Variants in CADM2 observed in about 807,000 individuals in gnomAD.
CADM2 encodes the protein cell adhesion molecule 2, also known as immunoglobulin superfamily member 4D.
CADM2 carries 12 observed loss-of-function variants against 49.8 expected under a neutral mutation model. That is an observed-to-expected ratio of 0.24 (90% CI 0.15 to 0.39). The LOEUF (loss-of-function observed/expected upper bound fraction) is 0.39, where lower values mean the gene tolerates loss of function less well. CADM2 is among the 10% of genes least tolerant of loss of function. CADM2 has a pLI of 1.00. For synonymous variants in CADM2, 214 were observed against 175.4 expected (o/e 1.22, Z -1.74); for missense variants, 378 against 492.3 (o/e 0.77, Z 2.20).
intron 1 of CADM2, among the ~76,000 whole-genome samples, chr3:85,248,866 GC>G (rs2042712298): frequency 6.6e-6 from 1 of 152,082 alleles, no homozygotes; most frequent in South Asian, 2.1e-4. Context: ...CAGTAAATCA[GC>G]TTTCTCATCC....
chr3:85,715,627 G>A (rs149592498), intron 1 of CADM2, among the ~76,000 whole-genome samples: 30 of 152,126 alleles, frequency 2.0e-4, no homozygotes, highest in African/African-American at 7.0e-4. Context: ...TCTACATTAG[G>A]TATTTCTCTT....
rs556520459 is a variant in CADM2, at chr3:85,260,992, T to C, written c.61+301324T>C. On this transcript the variant is annotated intron_variant, in intron 1 of 9. Coordinates refer to ENST00000383699, the MANE Select transcript of CADM2 (RefSeq NM_001167675.2). ...TTTGAGTAACTGGAAAGAATAGTTG[T>C]GATTTTTTTCATTTTTGATGAAGAA... 1.2e-3 allele frequency among the ~76,000 whole-genome samples: 190 copies of C among 152,220 alleles called. 1 individual carries two copies. The highest frequency in any genetic ancestry group is 4.1e-3 in the African/African-American group (172 of 41,574).
At chr3:85,911,447 C>G (rs1315593571) in intron 5 of CADM2, among the ~76,000 whole-genome samples, 2 of 152,180 alleles carry the variant, frequency 1.3e-5, no homozygotes, top group African/African-American at 2.4e-5. Context: ...TACTCTTGTT[C>G]ATGCTGAAAT....
intron 1 of CADM2, among the ~76,000 whole-genome samples, chr3:84,964,642 G>A (rs1425902175): frequency 6.6e-6 from 1 of 152,164 alleles, no homozygotes; most frequent in Non-Finnish European, 1.5e-5. Context: ...AAAGCCCTTT[G>A]TTGAATTGGC....
chr3:85,321,372 A>G (rs2044608864), intron 1 of CADM2, among the ~76,000 whole-genome samples: 3 of 151,400 alleles, frequency 2.0e-5, no homozygotes, highest in Admixed American at 2.0e-4. Flanking sequence ...TTTAGTAGAC[A>G]TAGGGTTTCG....
rs2067706511 is a variant in CADM2, at chr3:85,726,635, G to A, written c.88+87G>A. On this transcript the variant is annotated intron_variant, in intron 2 of 9. Coordinates refer to ENST00000383699, the MANE Select transcript of CADM2 (RefSeq NM_001167675.2). ...TTCTCTTAAATGATAGAACCAATTC[G>A]GTTGGTGATAATACTATTTCAGTGT... is the stretch of plus-strand genomic sequence containing the variant. 5.9e-6 allele frequency: 6 copies of A among 1,024,894 alleles called. No individual in the cohort carries two copies. In the Admixed American group the frequency reaches 8.9e-5, roughly 15 times the overall value. 63.5% of individuals were successfully genotyped at this position (1,024,894 alleles called of 1,614,324 possible).
chr3:85,879,620 T>C (rs1024705827), intron 3 of CADM2, among the ~76,000 whole-genome samples: 1 of 152,148 alleles, frequency 6.6e-6, no homozygotes, highest in Non-Finnish European at 1.5e-5. Flanking sequence ...AGCTTTGATA[T>C]CCTAACTGTT....
At chr3:85,918,227 G>A (rs185543894) in intron 6 of CADM2, among the ~76,000 whole-genome samples, 1 of 152,102 alleles carries the variant, frequency 6.6e-6, no homozygotes, top group African/African-American at 2.4e-5. Context: ...TCCCTGTCTT[G>A]TGCCAGTTTT....
intron 1 of CADM2, among the ~76,000 whole-genome samples, chr3:85,568,590 C>G (rs1327895788): frequency 7.7e-6 from 1 of 129,040 alleles, no homozygotes. Context: ...TTCTTTCTTT[C>G]CTTCTTTTCT....
chr3:85,355,235 T>C (rs1452457230), intron 1 of CADM2, among the ~76,000 whole-genome samples: 1 of 151,938 alleles, frequency 6.6e-6, no homozygotes, highest in Non-Finnish European at 1.5e-5. Context: ...GATGGTTAGC[T>C]AAAGGCAATA....
chr3:85,680,556 T>C (rs2066011654), intron 1 of CADM2, among the ~76,000 whole-genome samples: 2 of 152,176 alleles, frequency 1.3e-5, no homozygotes, highest in East Asian at 3.8e-4. Flanking sequence ...TAAGTGATTA[T>C]TGAATGACAT....
chr3:85,107,380 A>T (rs576266356), intron 1 of CADM2, among the ~76,000 whole-genome samples: 8 of 152,300 alleles, frequency 5.3e-5, no homozygotes, highest in African/African-American at 1.7e-4. Context: ...TCATTAAGAA[A>T]ATACAATTCA....
At chr3:85,309,322 T>C (rs931539688) in intron 1 of CADM2, among the ~76,000 whole-genome samples, 3 of 152,176 alleles carry the variant, frequency 2.0e-5, no homozygotes. Context: ...TAATTTAACA[T>C]AAGCTAGGGT....
chr3:85,244,661 C>T (rs545126281), intron 1 of CADM2, among the ~76,000 whole-genome samples: 4 of 152,204 alleles, frequency 2.6e-5, no homozygotes, highest in African/African-American at 9.6e-5. Context: ...AATTCCTCTC[C>T]ACTGAAGGCT....
intron 5 of CADM2, among the ~76,000 whole-genome samples, chr3:85,891,848 C>A (rs185266620): frequency 1.3e-5 from 2 of 152,312 alleles, no homozygotes; most frequent in African/African-American, 4.8e-5. Context: ...ATAGCCCCAG[C>A]TAACATCTTT....
At chr3:85,993,371 A>AT (rs1559788226) in intron 8 of CADM2, 1 of 152,106 alleles carries the variant, frequency 6.6e-6, no homozygotes, top group African/African-American at 2.4e-5. Context: ...TTATCTTGCT[A>AT]TTTTTACCAT....
intron 1 of CADM2, among the ~76,000 whole-genome samples, chr3:85,005,826 A>G (rs1163857786): frequency 2.0e-5 from 3 of 152,014 alleles, no homozygotes; most frequent in African/African-American, 4.8e-5. Context: ...GTATTTTTCA[A>G]TTACCAACTC....
chr3:85,225,655 G>C (rs183209652), intron 1 of CADM2, among the ~76,000 whole-genome samples: 98 of 152,304 alleles, frequency 6.4e-4, no homozygotes, highest in African/African-American at 2.2e-3. Context: ...GGAATGGTGA[G>C]AGAGGGCATC....
At chr3:85,663,596 A>G (rs2065475724) in intron 1 of CADM2, among the ~76,000 whole-genome samples, 1 of 151,898 alleles carries the variant, frequency 6.6e-6, no homozygotes, top group East Asian at 1.9e-4. Flanking sequence ...GCAAAGACCA[A>G]CTCCTTCAAT....
Sources: gnomAD v4.1 joint callset for allele counts (sites outside exome capture counted in the v4.1 genomes callset) on GRCh38, gnomAD v4.1.1 for gene constraint, MANE v1.5 for transcripts, NCBI Gene and HGNC (gene_info 2026-07-23, HGNC 2026-07-21) for gene names.